Variants in MID1 observed in about 807,000 individuals in gnomAD.
MID1 encodes the protein midline 1.
A neutral mutation model predicts 40.4 loss-of-function variants in MID1; 7 were observed. The observed-to-expected ratio is 0.17, with a 90% CI of 0.10 to 0.33. MID1 has a LOEUF of 0.33. Ranked by LOEUF, MID1 falls within the 10% of genes least tolerant of loss-of-function variation. MID1 has a pLI of 1.00. For synonymous variants in MID1, 229 were observed against 221.2 expected (o/e 1.04, Z -0.31); for missense variants, 367 against 558.5 (o/e 0.66, Z 3.46).
chrX:10,726,255 G>A (rs949187517), intron 1 of MID1, among the ~76,000 whole-genome samples: 3 of 111,858 alleles, frequency 2.7e-5, no homozygotes, highest in African/African-American at 9.7e-5. Context: ...GATAAATTTG[G>A]CACACTCTGT....
intron 1 of MID1, among the ~76,000 whole-genome samples, chrX:10,816,204 C>G (rs968558030): frequency 1.8e-5 from 2 of 111,512 alleles, no homozygotes; most frequent in Non-Finnish European, 3.8e-5. Context: ...AAAGCTCAAC[C>G]AACAAAATAG....
chrX:10,716,192 G>A (rs2043301835), intron 1 of MID1, among the ~76,000 whole-genome samples: 1 of 112,300 alleles, frequency 8.9e-6, no homozygotes, highest in Non-Finnish European at 1.9e-5. Context: ...AAGCTGCATG[G>A]AGAATGATTT....
At chrX:10,617,128 T>C (rs1157515220) in intron 1 of MID1, among the ~76,000 whole-genome samples, 2 of 112,145 alleles carry the variant, frequency 1.8e-5, no homozygotes, top group Non-Finnish European at 3.8e-5. Flanking sequence ...CCATTTGAGA[T>C]CCTAAACCTG....
intron 2 of MID1, among the ~76,000 whole-genome samples, chrX:10,550,940 A>T (rs1252580577): frequency 8.9e-6 from 1 of 111,788 alleles, no homozygotes; most frequent in Non-Finnish European, 1.9e-5. Context: ...GGCAATAGGG[A>T]AGAAAATACA....
At chrX:10,541,417 A>G (rs937744566) in intron 2 of MID1, among the ~76,000 whole-genome samples, 3 of 111,301 alleles carry the variant, frequency 2.7e-5, no homozygotes, top group Non-Finnish European at 5.6e-5. Context: ...TTTAAAATGA[A>G]TATCTGAATA....
At chrX:10,581,292 C>A (rs1668282301) in intron 1 of MID1, among the ~76,000 whole-genome samples, 2 of 110,651 alleles carry the variant, frequency 1.8e-5, no homozygotes, top group African/African-American at 6.7e-5. Flanking sequence ...AACAAACAAA[C>A]AAAAAACATG....
At chrX:10,474,809 A>G (rs1361555089) in intron 5 of MID1, 59 bp from the exon 6 acceptor site, 1 of 1,131,380 alleles carries the variant, frequency 8.8e-7, no homozygotes, top group South Asian at 1.8e-5. Context: ...ACATCACTGC[A>G]TAGAAATGAA....
At chrX:10,599,870 T>C (rs976788795) in intron 1 of MID1, among the ~76,000 whole-genome samples, 21 of 112,438 alleles carry the variant, frequency 1.9e-4, no homozygotes, top group African/African-American at 5.8e-4. Flanking sequence ...AAGACAGGGT[T>C]TAGCCTTGAC....
intron 5 of MID1, among the ~76,000 whole-genome samples, chrX:10,476,341 C>T (rs747731927): frequency 6.3e-5 from 7 of 110,524 alleles, no homozygotes; most frequent in African/African-American, 2.0e-4. Context: ...GCCACTGAAT[C>T]GTGCATTCAG....
intron 2 of MID1, among the ~76,000 whole-genome samples, chrX:10,559,863 A>G (rs1178494231): frequency 9.3e-6 from 1 of 107,131 alleles, no homozygotes; most frequent in East Asian, 2.9e-4. Context: ...CAAAAAACCT[A>G]TATTAACTTT....
chrX:10,808,517 C>G (rs767734617), intron 1 of MID1, among the ~76,000 whole-genome samples: 3 of 110,460 alleles, frequency 2.7e-5, no homozygotes, highest in Non-Finnish European at 3.8e-5. Context: ...GTGCCTCTCT[C>G]TATGGTGCTC....
intron 1 of MID1, among the ~76,000 whole-genome samples, chrX:10,733,287 A>G (rs989477159): frequency 8.9e-6 from 1 of 112,022 alleles, no homozygotes; most frequent in South Asian, 3.7e-4. Context: ...CCTCTACCTC[A>G]CACTACACAC....
intron 1 of MID1, among the ~76,000 whole-genome samples, chrX:10,608,666 A>G (rs1470557098): frequency 9.0e-6 from 1 of 111,436 alleles, no homozygotes; most frequent in Non-Finnish European, 1.9e-5. Flanking sequence ...TTCAAAATAC[A>G]ATTTTTAAAA....
chrX:10,724,707 T>C (rs1272062327), intron 1 of MID1, among the ~76,000 whole-genome samples: 2 of 112,318 alleles, frequency 1.8e-5, no homozygotes, highest in Non-Finnish European at 3.8e-5. Context: ...AATAAATAGA[T>C]GAGCTTTTCC....
intron 4 of MID1, among the ~76,000 whole-genome samples, chrX:10,491,187 T>A (rs1236217644): frequency 8.9e-6 from 1 of 112,069 alleles, no homozygotes; most frequent in Non-Finnish European, 1.9e-5. Context: ...TGTTTTTCTT[T>A]ATTTTTTTTA....
chrX:10,683,080 T>C (rs752239288), intron 1 of MID1, among the ~76,000 whole-genome samples: 1 of 112,141 alleles, frequency 8.9e-6, no homozygotes, highest in African/African-American at 3.2e-5. Flanking sequence ...TCAATTGTAG[T>C]CATTTTCTCT....
intron 1 of MID1, among the ~76,000 whole-genome samples, chrX:10,806,855 A>C (rs2044051852): frequency 8.9e-6 from 1 of 112,498 alleles, no homozygotes; most frequent in Admixed American, 9.4e-5. Context: ...AAAATAAGAA[A>C]GTAAAATTTC....
rs759223555 is a variant in MID1, at chrX:10,567,357, G to C, written c.191C>G (p.Thr64Ser). 8.3e-7 allele frequency: 1 copy of C among 1,198,905 alleles called. No homozygotes were observed. The change falls in exon 2 of 10, where the codon ACC (threonine) becomes AGC (serine). Residue 64 changes from threonine (T) to serine (S), a missense_variant. Around this residue, in one of 3 missense-constraint regions of MID1, gnomAD observed 78 missense variants for 112.6 expected, o/e 0.69. Coordinates refer to ENST00000317552, the MANE Select transcript of MID1 (RefSeq NM_000381.4). ...CCCGTCTAGACCTCGCTGGCTGAGGGTGATGACATGCCGGCAGGTGGGGCA... is the reference window on the plus strand; with the variant it reads ...CCCGTCTAGACCTCGCTGGCTGAGGCTGATGACATGCCGGCAGGTGGGGCA... The part of the protein sequence containing the change: ...FQCPTCRHVI[T>S]LSQRGLDGLK...
chrX:10,467,061 A>C (rs1401860981), intron 7 of MID1, among the ~76,000 whole-genome samples: 1 of 111,580 alleles, frequency 9.0e-6, no homozygotes, highest in African/African-American at 3.3e-5. Context: ...GTAAGGGCCA[A>C]AGATTGGAAA....
Sources: allele counts gnomAD v4.1 joint callset (sites outside exome capture counted in the v4.1 genomes callset), GRCh38; gene constraint gnomAD v4.1.1; regional missense constraint gnomAD v4.1.1; transcripts MANE v1.5; gene names NCBI Gene and HGNC (gene_info 2026-07-23, HGNC 2026-07-21).